Variants in FAT4 observed in about 807,000 individuals in gnomAD.
FAT4 encodes protocadherin Fat 4.
FAT4 carries 84 observed loss-of-function variants against 303.9 expected under a neutral mutation model. The ratio of observed to expected loss-of-function variants is 0.28; its 90% CI spans 0.23 to 0.33. The LOEUF is 0.33. FAT4 is among the 10% of genes least tolerant of loss of function. The pLI is 1.00. For synonymous variants in FAT4, 2,307 were observed against 2,298.8 expected, an observed-to-expected ratio of 1.00 and a Z score of -0.10; for missense variants, 6,005 against 6,146.8, an observed-to-expected ratio of 0.98 and a Z score of 0.77.
chr4:125,318,166 A>G lies in FAT4; in HGVS notation c.1755A>G (p.Pro585=). The G allele has an allele frequency of 1.9e-6, 3 of 1,614,188 alleles. No homozygotes were observed. The highest frequency in any genetic ancestry group is 2.5e-6 in the Non-Finnish European group (3 of 1,180,036). The part of the protein sequence containing the change: ...VNDEKPVFSQ[P]EGYDVSVVEN... ...ATGAAAAGCCAGTATTTAGCCAGCC[A>G]GAAGGGTATGATGTGTCTGTGGTTG... Residue 585 remains proline (P), a synonymous_variant, in exon 2 of 18, where the codon CCA becomes CCG. Transcript: ENST00000394329.
At chr4:125,418,741 A>G (rs1735168720) in intron 7 of FAT4, among the ~76,000 whole-genome samples, 1 of 152,270 alleles carries the variant, frequency 6.6e-6, no homozygotes, top group Non-Finnish European at 1.5e-5. Context: ...AACTCATAGG[A>G]GGCTAACACA....
Position 125,490,522 on chromosome 4 carries a change from A to G in FAT4, c.13706A>G (p.Asp4569Gly), listed in dbSNP as rs760790670. Reference protein sequence around the residue: ...DDPDNIPPYGDDMTVRKQPEG... With the variant: ...DDPDNIPPYGGDMTVRKQPEG... ...CCTGACAATATCCCTCCCTATGGGG[A>G]TGACATGACTGTGAGGAAGCAGCCT... The change falls in exon 18 of 18, where the codon GAT becomes GGT. Residue 4569 changes from aspartate to glycine, a missense_variant. Asp to Gly is a moderately conservative substitution (Grantham distance 94, BLOSUM62 -1). Coordinates refer to ENST00000394329, the MANE Select transcript of FAT4 (RefSeq NM_001291303.3). 1 of 1,614,168 alleles carries G rather than the reference A, an allele frequency of 6.2e-7. No individual in the cohort carries two copies. Among genetic ancestry groups the G allele is most frequent in the Non-Finnish European group, 8.5e-7 (1 of 1,180,030 alleles).
At chr4:125,419,594 G>T (rs574893915) in intron 7 of FAT4, among the ~76,000 whole-genome samples, 3 of 152,238 alleles carry the variant, frequency 2.0e-5, no homozygotes, top group African/African-American at 7.2e-5. Context: ...TGCATAGACA[G>T]CATGCAGTGA....
At chr4:125,420,208 T>A (rs1735235410) in intron 7 of FAT4, among the ~76,000 whole-genome samples, 1 of 152,220 alleles carries the variant, frequency 6.6e-6, no homozygotes, top group Non-Finnish European at 1.5e-5. Context: ...AAAATTGTGT[T>A]CTTCTACATA....
At chr4:125,464,794 T>G (rs1726604909) in intron 11 of FAT4, among the ~76,000 whole-genome samples, 1 of 152,290 alleles carries the variant, frequency 6.6e-6, no homozygotes, top group African/African-American at 2.4e-5. Flanking sequence ...TGCGATAGTT[T>G]GCTGAGAATG....
In FAT4 at chr4:125,318,367, A is replaced by G. The variant is rs761128725; in HGVS notation, c.1956A>G (p.Gln652=). Residue 652 remains glutamine (Q), a synonymous_variant, in exon 2 of 18, where the codon CAA becomes CAG. Transcript: ENST00000394329. The part of the protein sequence containing the change: ...STISSLDREE[Q]AFYSLLVLAT... ...TTTCCTCCTTGGACAGAGAAGAGCA[A>G]GCCTTCTACTCCCTGTTGGTTCTGG... 1.9e-6 allele frequency: 3 copies of G among 1,614,056 alleles called. No homozygotes were observed. Among genetic ancestry groups the G allele is most frequent in the Admixed American group, 3.3e-5 (2 of 60,008 alleles).
At chr4:125,400,066 A>G (rs1463451436) in intron 3 of FAT4, among the ~76,000 whole-genome samples, 1 of 151,880 alleles carries the variant, frequency 6.6e-6, no homozygotes, top group Non-Finnish European at 1.5e-5. Context: ...ATAACAAAAA[A>G]CTCATGTAAT....
At chr4:125,409,579 T>C (rs1455764177) in intron 5 of FAT4, among the ~76,000 whole-genome samples, 1 of 152,138 alleles carries the variant, frequency 6.6e-6, no homozygotes, top group Non-Finnish European at 1.5e-5. Context: ...TTTAACTAGG[T>C]TTCATTTCAG....
chr4:125,471,611 T>TTAGG (rs1231651900), intron 12 of FAT4, among the ~76,000 whole-genome samples: 1 of 152,162 alleles, frequency 6.6e-6, no homozygotes, highest in Non-Finnish European at 1.5e-5. Flanking sequence ...ATGGAATGGC[T>TTAGG]TATTTATTTT....
In FAT4 at chr4:125,320,413, G is replaced by T; in HGVS notation, c.4002G>T (p.Val1334=). 6.2e-7 allele frequency: 1 copy of T among 1,614,034 alleles called. No homozygotes were observed. The highest frequency in any genetic ancestry group is 8.5e-7 in the Non-Finnish European group (1 of 1,179,932). ...AAAACATGAGAATTGGTGAACTCGT[G>T]TCCTCTGTTACTGCAACTGATTCCG... ...VLENMRIGEL[V]SSVTATDSDS... Residue 1334 remains valine (V), a synonymous_variant, in exon 2 of 18, where the codon GTG becomes GTT. Coordinates refer to ENST00000394329, the MANE Select transcript of FAT4 (RefSeq NM_001291303.3).
At position 125,491,841 on chromosome 4, in the gene FAT4, G is replaced by A. The variant is rs939990268; in HGVS notation, c.*73G>A. ...AAACCATTGTAAAGTTGCTGACTAG[G>A]TTGGGTCACATTTGAAAAACAGGCC... On this transcript the variant is annotated 3_prime_UTR_variant, in exon 18 of 18. Coordinates refer to ENST00000394329, the MANE Select transcript of FAT4 (RefSeq NM_001291303.3). The A allele has an allele frequency of 1.3e-5, 19 of 1,449,050 alleles. No homozygotes were observed. The African/African-American group carries it at 2.0e-4, about 15-fold the overall frequency. 89.8% of individuals were successfully genotyped at this position (1,449,050 alleles called of 1,614,324 possible).
chr4:125,451,460 G>A lies in FAT4; in HGVS notation c.10450G>A (p.Ala3484Thr). ...TLPIYNLSVL[A>T]VDSGTPSATG... ...TCCCATCTATAATCTCTCAGTTTTG[G>A]CTGTTGATTCAGGGACCCCCTCAGC... The change falls in exon 10 of 18, where the codon GCT (alanine) becomes ACT (threonine). Residue 3484 changes from alanine (A) to threonine (T), a missense_variant. By Grantham distance (58) the Ala-to-Thr change is moderately conservative. Transcript: ENST00000394329. 6.2e-7 allele frequency: 1 copy of A among 1,614,096 alleles called. No individual in the cohort carries two copies. The highest frequency in any genetic ancestry group is 1.1e-5 in the South Asian group (1 of 91,086).
chr4:125,438,447 T>C (rs1360249257), intron 8 of FAT4, among the ~76,000 whole-genome samples: 1 of 152,148 alleles, frequency 6.6e-6, no homozygotes, highest in Non-Finnish European at 1.5e-5. Context: ...TGGTAGTATG[T>C]ATTTTGGTTA....
At position 125,408,680 on chromosome 4, in the gene FAT4, G is replaced by A. The variant is rs1235801879; in HGVS notation, c.5806G>A (p.Asp1936Asn). The change falls in exon 5 of 18, where the codon GAT (aspartate) becomes AAT (asparagine). Residue 1936 changes from aspartate (D) to asparagine (N), a missense_variant. Physicochemically the swap from Asp to Asn is conservative, Grantham distance 23. Coordinates refer to ENST00000394329, the MANE Select transcript of FAT4 (RefSeq NM_001291303.3). ...TTIRVYFNIL[D>N]VNDNPPIFSL... ...CATCAGAGTTTATTTCAATATTCTA[G>A]ATGTAAATGATAATCCACCTATTTT... The A allele has an allele frequency of 6.2e-6, 10 of 1,609,746 alleles. No homozygotes were observed. The African/African-American group carries it at 1.2e-4, about 19-fold the overall frequency.
intron 16 of FAT4, among the ~76,000 whole-genome samples, chr4:125,482,763 A>T (rs921164579): frequency 1.3e-5 from 2 of 152,206 alleles, no homozygotes; most frequent in African/African-American, 2.4e-5. Context: ...ATAAAAATAG[A>T]TGTTCACTTC....
rs1288596650 is a variant in FAT4, at chr4:125,451,152, G to A, written c.10142G>A (p.Gly3381Asp). ...TTGAAGGTATTGGCCAAGAACTTTG[G>A]CAGCATTAGAGGTGCAGATATAGAT... Reference protein sequence around the residue: ...VSLKVLAKNFGSIRGADIDEV... With the variant: ...VSLKVLAKNFDSIRGADIDEV... The change falls in exon 10 of 18, where the codon GGC becomes GAC. Residue 3381 changes from glycine to aspartate, a missense_variant. Physicochemically the swap from Gly to Asp is moderately conservative, Grantham distance 94. Transcript: ENST00000394329. 6 of 1,614,020 alleles carry A rather than the reference G, an allele frequency of 3.7e-6. No homozygotes were observed. Among genetic ancestry groups the A allele is most frequent in the Non-Finnish European group, 4.2e-6 (5 of 1,180,032 alleles).
At chr4:125,383,410 G>A (rs572976245) in intron 2 of FAT4, among the ~76,000 whole-genome samples, 117 of 152,180 alleles carry the variant, frequency 7.7e-4, no homozygotes, top group African/African-American at 2.6e-3. Context: ...GGACAGTAGA[G>A]GACTCTGAAC....
intron 10 of FAT4, among the ~76,000 whole-genome samples, chr4:125,453,353 A>G (rs1726163689): frequency 6.6e-6 from 1 of 152,188 alleles, no homozygotes; most frequent in East Asian, 1.9e-4. Context: ...CGTCATTATT[A>G]TCGAAATGTG....
intron 8 of FAT4, among the ~76,000 whole-genome samples, chr4:125,436,857 T>C (rs895117871): frequency 2.0e-5 from 3 of 151,958 alleles, no homozygotes; most frequent in Non-Finnish European, 2.9e-5. Flanking sequence ...TATTTATTTA[T>C]CTATGTATTT....
Sources: allele counts gnomAD v4.1 joint callset (sites outside exome capture counted in the v4.1 genomes callset), GRCh38; gene constraint gnomAD v4.1.1; transcripts MANE v1.5; gene names NCBI Gene and HGNC (gene_info 2026-07-23, HGNC 2026-07-21).